Variants in KAT6B observed in about 807,000 individuals in gnomAD.
The protein encoded by KAT6B is histone acetyltransferase KAT6B.
In KAT6B, 10 loss-of-function variants were observed where a neutral mutation model predicts 187.5. The ratio of observed to expected loss-of-function variants is 0.05; its 90% confidence interval spans 0.03 to 0.09. KAT6B has a LOEUF of 0.09. Ranked by LOEUF, KAT6B falls within the 10% of genes least tolerant of loss-of-function variation. The pLI is 1.00. For missense variants in KAT6B, 1,952 were observed against 2,558.9 expected (o/e 0.76, Z 5.12); for synonymous variants, 861 against 926.8 (o/e 0.93, Z 1.29).
At chr10:74,897,986 A>G (rs1846105236) in intron 3 of KAT6B, among the ~76,000 whole-genome samples, 1 of 152,136 alleles carries the variant, frequency 6.6e-6, no homozygotes, top group African/African-American at 2.4e-5. Flanking sequence ...ACAGACAAGC[A>G]CACTTTTAAA....
chr10:74,955,099 G>T (rs1490522059), intron 3 of KAT6B, among the ~76,000 whole-genome samples: 1 of 152,088 alleles, frequency 6.6e-6, no homozygotes, highest in Admixed American at 6.5e-5. Flanking sequence ...TGCAGTATTT[G>T]TGTATAACCT....
intron 3 of KAT6B, among the ~76,000 whole-genome samples, chr10:74,921,123 T>G (rs1261490195): frequency 6.7e-6 from 1 of 148,748 alleles, no homozygotes; most frequent in Non-Finnish European, 1.5e-5. Context: ...TTTTTTTTTT[T>G]TTTTTTTTGA....
chr10:74,966,790 G>T (rs1020065968), intron 4 of KAT6B, among the ~76,000 whole-genome samples: 5 of 152,188 alleles, frequency 3.3e-5, no homozygotes, highest in Admixed American at 2.6e-4. Flanking sequence ...ACTTTGGGAG[G>T]CCAAGGCTGG....
rs141734263 is a variant in KAT6B at position 74,930,142 on chromosome 10, C to A, written c.622-29828C>A. ...TTCACCATGTTGGTCAGGCTGGTCC[C>A]GAACTCCTGGCCTCAGGTAATCCAC... On this transcript the variant is annotated intron_variant, in intron 3 of 17. Coordinates refer to ENST00000287239, the MANE Select transcript of KAT6B (RefSeq NM_012330.4). 6.4e-3 allele frequency among the ~76,000 whole-genome samples: 979 copies of A among 152,112 alleles called. 7 individuals are homozygous for A. Among genetic ancestry groups the A allele is most frequent in the Middle Eastern group, 0.017 (5 of 294 alleles).
chr10:75,020,528 C>A, intron 13 of KAT6B, 54 bp from the exon 14 acceptor site: 1 of 1,266,980 alleles, frequency 7.9e-7, no homozygotes, highest in Non-Finnish European at 1.2e-6. Flanking sequence ...GGCTCCTGTT[C>A]TAAGCTCTGG....
intron 3 of KAT6B, among the ~76,000 whole-genome samples, chr10:74,909,718 A>G (rs1847054140): frequency 6.6e-6 from 1 of 152,194 alleles, no homozygotes. Context: ...TAAGTTCTAC[A>G]GCAGACCTAA....
chr10:74,913,913 TG>T (rs1376421133), intron 3 of KAT6B, among the ~76,000 whole-genome samples: 1 of 151,952 alleles, frequency 6.6e-6, no homozygotes, highest in Non-Finnish European at 1.5e-5. Flanking sequence ...TGGCTGGGAG[TG>T]GTGGCTCATG....
intron 2 of KAT6B, among the ~76,000 whole-genome samples, chr10:74,842,054 G>T (rs1415993132): frequency 1.3e-5 from 2 of 152,196 alleles, no homozygotes; most frequent in African/African-American, 4.8e-5. Context: ...CAATTTGTGG[G>T]TTAGAGGGTA....
chr10:74,976,168 GGAA>G lies in KAT6B; in HGVS notation c.1833_1835del (p.Ser612del), dbSNP rs2133731201. ...CTCCTCTAGCTGGGGGATGGCTAGA[GGAA>G]GTATTTTTAAAGCAATTGCTCACTT... On this transcript the variant is annotated inframe_deletion, in exon 8 of 18. Transcript: ENST00000287239. 3 of 1,614,190 alleles carry G rather than the reference GGAA, an allele frequency of 1.9e-6. No homozygotes were observed. Among genetic ancestry groups the G allele is most frequent in the Non-Finnish European group, 2.5e-6 (3 of 1,180,036 alleles).
Position 74,975,764 on chromosome 10 carries a change from C to T in KAT6B, c.1427C>T (p.Ser476Phe). Residue 476 changes from serine (S) to phenylalanine (F), a missense_variant, in exon 8 of 18, where the codon TCT becomes TTT. Ser to Phe is a radical substitution (Grantham distance 155). Around this residue, in one of 9 missense-constraint regions of KAT6B, gnomAD observed 417 missense variants for 508.9 expected, o/e 0.82. Transcript: ENST00000287239. The part of the protein sequence containing the change: ...KKVSQKQSCT[S>F]HVLATGTTQK... ...GTCTCTCAGAAACAGTCATGCACTT[C>T]TCATGTGTTGGCTACAGGTACCACA... 6.2e-7 allele frequency: 1 copy of T among 1,614,216 alleles called. No homozygotes were observed. Among genetic ancestry groups the T allele is most frequent in the Admixed American group, 1.7e-5 (1 of 60,024 alleles).
At chr10:74,899,539 T>C (rs1172539950) in intron 3 of KAT6B, among the ~76,000 whole-genome samples, 1 of 152,140 alleles carries the variant, frequency 6.6e-6, no homozygotes, top group Non-Finnish European at 1.5e-5. Context: ...CCTGTCAAAG[T>C]GCTGGGATTA....
At chr10:74,830,746 A>ATATATATATATATATATATATATATG (rs1564891861) in intron 1 of KAT6B, among the ~76,000 whole-genome samples, 8 of 16,872 alleles carry the variant, frequency 4.7e-4, no homozygotes, top group South Asian at 2.8e-3. Flanking sequence ...ATATATATAT[A>ATATATATATATATATATATATATATG]TATATATATA....
intron 3 of KAT6B, among the ~76,000 whole-genome samples, chr10:74,915,292 C>A (rs748516903): frequency 6.6e-6 from 1 of 152,160 alleles, no homozygotes; most frequent in Non-Finnish European, 1.5e-5. Context: ...ACTCTCTTCA[C>A]CCCATTGCAC....
rs527291321 is a variant in KAT6B, at chr10:74,867,985, T to G, written c.621+24507T>G. ...AGCAAAGGTTTATGGAATGGCCGAA[T>G]AAGAATTTTTTAACCTAGTGCTTTA... On this transcript the variant is annotated intron_variant, in intron 3 of 17. Transcript: ENST00000287239. Among the ~76,000 whole-genome samples, 12 of 152,358 alleles carry G rather than the reference T, an allele frequency of 7.9e-5. No individual in the cohort carries two copies. In the East Asian group the frequency reaches 2.3e-3, roughly 29 times the overall value.
intron 2 of KAT6B, among the ~76,000 whole-genome samples, chr10:74,840,187 TG>T: frequency 6.6e-6 from 1 of 152,368 alleles, no homozygotes; most frequent in East Asian, 1.9e-4. Flanking sequence ...TCCTGTAATT[TG>T]GGTTGCATTT....
In KAT6B at chr10:74,975,776, C is replaced by T. The variant is rs749428929; in HGVS notation, c.1439C>T (p.Ala480Val). The change falls in exon 8 of 18, where the codon GCT becomes GTT. Residue 480 changes from alanine (A) to valine (V), a missense_variant. Around this residue, in one of 9 missense-constraint regions of KAT6B, gnomAD observed 417 missense variants for 508.9 expected, o/e 0.82. Transcript: ENST00000287239. Reference sequence around the variant, plus strand: ...CAGTCATGCACTTCTCATGTGTTGGCTACAGGTACCACACAAAAGCTAAAA... The same window carrying T: ...CAGTCATGCACTTCTCATGTGTTGGTTACAGGTACCACACAAAAGCTAAAA... Reference protein sequence around the residue: ...QKQSCTSHVLATGTTQKLKPP... With the variant: ...QKQSCTSHVLVTGTTQKLKPP... 31 of 1,614,210 alleles carry T rather than the reference C, an allele frequency of 1.9e-5. No individual in the cohort carries two copies. Among genetic ancestry groups the T allele is most frequent in the Non-Finnish European group, 2.6e-5 (31 of 1,180,036 alleles).
chr10:74,990,999 G>A (rs1843097708), intron 13 of KAT6B, among the ~76,000 whole-genome samples: 1 of 151,810 alleles, frequency 6.6e-6, no homozygotes, highest in Non-Finnish European at 1.5e-5. Flanking sequence ...TGATCACCTC[G>A]TCCTTTCCTA....
chr10:74,968,376 T>C (rs1373445004), intron 4 of KAT6B, among the ~76,000 whole-genome samples: 2 of 152,106 alleles, frequency 1.3e-5, no homozygotes, highest in African/African-American at 2.4e-5. Flanking sequence ...TAAATACAGA[T>C]GTTTAGAGTT....
intron 3 of KAT6B, among the ~76,000 whole-genome samples, chr10:74,894,037 A>T (rs2132671630): frequency 6.6e-6 from 1 of 152,134 alleles, no homozygotes; most frequent in African/African-American, 2.4e-5. Context: ...GGCATGAGGG[A>T]CCCCTTATGA....
Sources: gnomAD v4.1 joint callset for allele counts (sites outside exome capture counted in the v4.1 genomes callset) on GRCh38, gnomAD v4.1.1 for gene constraint, gnomAD v4.1.1 regional missense constraint, MANE v1.5 for transcripts, NCBI Gene and HGNC (gene_info 2026-07-23, HGNC 2026-07-21) for gene names.